The following FGF13 variants were observed in gnomAD, a reference collection of about 807,000 sequenced individuals.
The protein encoded by FGF13 is fibroblast growth factor 13.
FGF13 carries 2 observed loss-of-function variants against 19.5 expected under a neutral mutation model. The ratio of observed to expected loss-of-function variants is 0.10; its 90% confidence interval spans 0.04 to 0.32. The LOEUF (loss-of-function observed/expected upper bound fraction) is 0.32. Ranked by LOEUF, FGF13 falls within the 10% of genes least tolerant of loss-of-function variation. The probability of loss-of-function intolerance (pLI) is 1.00; values close to 1 mark genes in which losing one functional copy is unlikely to be tolerated. For synonymous variants in FGF13, 72 were observed against 76.9 expected (o/e 0.94, Z 0.33); for missense variants, 113 against 192.7 (o/e 0.59, Z 2.45).
chrX:138,885,039 A>G, intron 1 of FGF13, among the ~76,000 whole-genome samples: 1 of 112,494 alleles, frequency 8.9e-6, no homozygotes. Flanking sequence ...TTAATAAAAT[A>G]TAACTCAAAG....
At chrX:139,060,576 A>G (rs144724461) in intron 1 of FGF13, among the ~76,000 whole-genome samples, 2,448 of 111,515 alleles carry the variant, frequency 0.022, 33 homozygotes, top group Middle Eastern at 0.032. Context: ...TTCAATATAT[A>G]TATTTCAGAA....
chrX:139,123,244 T>C (rs1439831289), intron 1 of FGF13, among the ~76,000 whole-genome samples: 1 of 111,736 alleles, frequency 8.9e-6, no homozygotes, highest in African/African-American at 3.3e-5. Flanking sequence ...AGTCAAATCA[T>C]GTCACTTCCT....
chrX:138,692,053 T>A (rs2089843311), intron 3 of FGF13, among the ~76,000 whole-genome samples: 1 of 111,570 alleles, frequency 9.0e-6, no homozygotes, highest in Non-Finnish European at 1.9e-5. Flanking sequence ...CTTCCAATTT[T>A]TTTTCTTGTG....
rs748486430 is a variant in FGF13 at position 138,847,654 on chromosome X, T to TA, written c.217+9857dup. Among the ~76,000 whole-genome samples the TA allele has an allele frequency of 2.1e-4, 23 of 111,842 alleles. No homozygotes were observed. The South Asian group carries it at 8.2e-3, about 40-fold the overall frequency. Reference sequence around the variant, plus strand: ...TTGAAGGTGCTATTCTTAAGCACACTAAAAAATGCCGTAGAGTATAAGAAA... The same window carrying TA: ...TTGAAGGTGCTATTCTTAAGCACACTAAAAAAATGCCGTAGAGTATAAGAAA... On this transcript the variant is annotated intron_variant, in intron 3 of 6. Transcript: ENST00000436198.
At chrX:138,744,750 T>C (rs1385968501) in intron 3 of FGF13, among the ~76,000 whole-genome samples, 1 of 111,203 alleles carries the variant, frequency 9.0e-6, no homozygotes, top group African/African-American at 3.3e-5. Flanking sequence ...AGCCCAGGGG[T>C]TAAAGGAACG....
Position 138,768,748 on chromosome X carries a change from T to C in FGF13, c.218-59820A>G, listed in dbSNP as rs1300608409. Among the ~76,000 whole-genome samples, 3 of 102,384 alleles carry C rather than the reference T, an allele frequency of 2.9e-5. No homozygotes were observed. The East Asian group carries it at 8.8e-4, about 30-fold the overall frequency. The allele number at this position is 102,384 out of a possible 115,157, so 88.9% of individuals were successfully genotyped here. A position where few individuals can be genotyped will look rare whatever the true frequency, so the allele number is the denominator to read the frequency against. Reference sequence around the variant, plus strand: ...ATATTATATATATATGATATATATATATATATAATTTCACAAGTGGCCAGT... The same window carrying C: ...ATATTATATATATATGATATATATACATATATAATTTCACAAGTGGCCAGT... On this transcript the variant is annotated intron_variant, in intron 3 of 6. Coordinates refer to the FGF13 transcript ENST00000436198.
intron 3 of FGF13, among the ~76,000 whole-genome samples, chrX:138,814,200 A>T (rs1160831855): frequency 2.7e-5 from 3 of 110,396 alleles, no homozygotes; most frequent in African/African-American, 9.9e-5. Context: ...AATAACAATA[A>T]GTTATTTTTA....
intron 3 of FGF13, among the ~76,000 whole-genome samples, chrX:138,837,102 G>A: frequency 8.9e-6 from 1 of 112,290 alleles, no homozygotes; most frequent in Non-Finnish European, 1.9e-5. Context: ...ATGTATAGGA[G>A]GTGGCGGGCA....
chrX:138,818,499 G>GACACACACACACAC (rs371760908), intron 3 of FGF13, among the ~76,000 whole-genome samples: 8 of 84,788 alleles, frequency 9.4e-5, no homozygotes, highest in African/African-American at 2.2e-4. Context: ...TATATGCACA[G>GACACACACACACAC]ACACACACAC....
At chrX:138,922,676 C>T (rs745546755) in intron 1 of FGF13, among the ~76,000 whole-genome samples, 1 of 111,920 alleles carries the variant, frequency 8.9e-6, no homozygotes, top group East Asian at 2.8e-4. Context: ...TGATTCCTGT[C>T]CTTCTCTATT....
chrX:138,674,803 T>C (rs1387391906), intron 3 of FGF13, among the ~76,000 whole-genome samples: 2 of 111,130 alleles, frequency 1.8e-5, no homozygotes, highest in African/African-American at 6.5e-5. Flanking sequence ...GACAAGATCA[T>C]TGGAGGACAA....
intron 3 of FGF13, among the ~76,000 whole-genome samples, chrX:138,815,418 A>T (rs1205885166): frequency 9.0e-6 from 1 of 111,152 alleles, no homozygotes; most frequent in Non-Finnish European, 1.9e-5. Flanking sequence ...CATATATCAA[A>T]ATGTCACACC....
At chrX:139,121,589 G>A (rs1169472061) in intron 1 of FGF13, among the ~76,000 whole-genome samples, 1 of 110,393 alleles carries the variant, frequency 9.1e-6, no homozygotes, top group Non-Finnish European at 1.9e-5. Flanking sequence ...ATAGAGATGG[G>A]GCTATTTTGC....
At chrX:138,663,642 C>T (rs920266901) in intron 3 of FGF13, among the ~76,000 whole-genome samples, 2 of 111,688 alleles carry the variant, frequency 1.8e-5, no homozygotes, top group African/African-American at 6.5e-5. Context: ...ATTGACTACT[C>T]TCCCTCACCC....
chrX:138,822,938 A>G (rs189245350), intron 3 of FGF13, among the ~76,000 whole-genome samples: 1 of 112,117 alleles, frequency 8.9e-6, no homozygotes, highest in East Asian at 2.8e-4. Flanking sequence ...AGTGTGGTAC[A>G]GTACATATAG....
intron 3 of FGF13, among the ~76,000 whole-genome samples, chrX:138,670,492 C>A (rs1429179380): frequency 8.9e-6 from 1 of 112,055 alleles, no homozygotes; most frequent in East Asian, 2.8e-4. Flanking sequence ...GAATGTTATT[C>A]ATCTTTTAAA....
intron 1 of FGF13, among the ~76,000 whole-genome samples, chrX:139,074,105 T>C (rs2092385260): frequency 8.9e-6 from 1 of 112,196 alleles, no homozygotes; most frequent in African/African-American, 3.2e-5. Context: ...GAGTCTTCTA[T>C]TGGTCCTTTT....
At chrX:138,850,786 T>C (rs1192903616) in intron 3 of FGF13, among the ~76,000 whole-genome samples, 2 of 112,409 alleles carry the variant, frequency 1.8e-5, no homozygotes, top group Non-Finnish European at 3.8e-5. Flanking sequence ...GTTTGTTACA[T>C]AGGTAAATGT....
intron 3 of FGF13, among the ~76,000 whole-genome samples, chrX:138,638,821 G>T (rs1480106474): frequency 2.7e-5 from 3 of 111,516 alleles, no homozygotes; most frequent in Admixed American, 1.9e-4. Flanking sequence ...TTAGTATCTG[G>T]CACCTATAAC....
Sources: gnomAD v4.1 joint callset for allele counts (sites outside exome capture counted in the v4.1 genomes callset) on GRCh38, gnomAD v4.1.1 for gene constraint, MANE v1.5 for transcripts, NCBI Gene and HGNC (gene_info 2026-07-23, HGNC 2026-07-21) for gene names.